Variants in PAN3 observed in about 807,000 individuals in gnomAD.
The protein encoded by PAN3 is poly(A) specific ribonuclease subunit PAN3.
In PAN3, 19 loss-of-function variants were observed where a neutral mutation model predicts 96.2. The ratio of observed to expected loss-of-function variants is 0.20; its 90% CI spans 0.14 to 0.29. The LOEUF (loss-of-function observed/expected upper bound fraction) is 0.29, where lower values mean the gene tolerates loss of function less well. Ranked by LOEUF, PAN3 falls within the 10% of genes least tolerant of loss-of-function variation. The probability of loss-of-function intolerance (pLI) is 1.00; values close to 1 mark genes in which losing one functional copy is unlikely to be tolerated. For missense variants in PAN3, 882 were observed against 1,108.1 expected, an observed-to-expected ratio of 0.80 and a Z score of 2.90; for synonymous variants, 433 against 406.6, an observed-to-expected ratio of 1.06 and a Z score of -0.78.
At position 28,292,668 on chromosome 13, in the gene PAN3, G is replaced by C. The variant is rs909825706; in HGVS notation, c.*146G>C. The C allele has an allele frequency of 6.2e-6, 4 of 644,166 alleles. No individual in the cohort carries two copies. The highest frequency in any genetic ancestry group is 7.0e-6 in the Non-Finnish European group (3 of 426,526). The allele number at this position is 644,166 out of a possible 1,614,324, so 39.9% of individuals were successfully genotyped here. A position where few individuals can be genotyped will look rare whatever the true frequency, so the allele number is the denominator to read the frequency against. On this transcript the variant is annotated 3_prime_UTR_variant, in exon 19 of 19. Coordinates refer to ENST00000380958, the MANE Select transcript of PAN3 (RefSeq NM_175854.8). ...TGCTTGCACTTCAGTCAGGTACACT[G>C]TTACTTGAAAGGAAGAATGTTTCAC...
At chr13:28,242,925 T>TA (rs1313350209) in intron 6 of PAN3, among the ~76,000 whole-genome samples, 5 of 152,242 alleles carry the variant, frequency 3.3e-5, no homozygotes, top group African/African-American at 1.2e-4. Flanking sequence ...GGATGCTTTG[T>TA]AGTACTCACT....
intron 6 of PAN3, among the ~76,000 whole-genome samples, chr13:28,227,636 T>A (rs1331133212): frequency 6.6e-6 from 1 of 152,186 alleles, no homozygotes; most frequent in African/African-American, 2.4e-5. Flanking sequence ...TTTAAGTCTT[T>A]CTAATCTAAA....
At chr13:28,259,376 G>A (rs938823855) in intron 7 of PAN3, among the ~76,000 whole-genome samples, 2 of 150,608 alleles carry the variant, frequency 1.3e-5, no homozygotes, top group Non-Finnish European at 3.0e-5. Flanking sequence ...GTTCAATCTT[G>A]GTGCACTGCA....
intron 5 of PAN3, chr13:28,215,561 C>T (rs1880643387): frequency 2.8e-6 from 2 of 721,828 alleles, no homozygotes; most frequent in Non-Finnish European, 4.9e-6. Context: ...ACCATTCAGG[C>T]TAAATCAGTG....
Position 28,266,893 on chromosome 13 carries a change from ATCT to A in PAN3, c.1573+22_1573+24del, listed in dbSNP as rs544526089. On this transcript the variant is annotated intron_variant, in intron 10 of 18. Coordinates refer to ENST00000380958, the MANE Select transcript of PAN3 (RefSeq NM_175854.8). ...GGATACATGGTAAGGAAGATAAGTT[ATCT>A]TCTTTTATAATCGTATCATTGAGGC... The A allele has an allele frequency of 2.8e-4, 437 of 1,539,514 alleles. No homozygotes were observed. In the African/African-American group the frequency reaches 4.6e-3, roughly 16 times the overall value.
intron 12 of PAN3, among the ~76,000 whole-genome samples, chr13:28,268,578 A>G (rs1886369208): frequency 6.6e-6 from 1 of 152,160 alleles, no homozygotes; most frequent in Admixed American, 6.6e-5. Flanking sequence ...AGAAAAGTAA[A>G]TCCATTTTGA....
chr13:28,234,746 C>CT (rs1323124048), intron 6 of PAN3, among the ~76,000 whole-genome samples: 3 of 151,930 alleles, frequency 2.0e-5, no homozygotes, highest in South Asian at 4.2e-4. Context: ...ATTTTTCTTT[C>CT]TTTTTTGTTT....
chr13:28,140,187 T>C (rs532059033), intron 1 of PAN3, among the ~76,000 whole-genome samples: 1 of 152,320 alleles, frequency 6.6e-6, no homozygotes, highest in East Asian at 1.9e-4. Context: ...TGGCCTCAAG[T>C]GATCTGTCCT....
chr13:28,166,416 G>A (rs969193787), intron 1 of PAN3, among the ~76,000 whole-genome samples: 2 of 152,244 alleles, frequency 1.3e-5, no homozygotes, highest in Middle Eastern at 3.4e-3. Context: ...TGGGACTGGG[G>A]GTGGGTCCTG....
At chr13:28,251,957 G>A (rs543337287) in intron 6 of PAN3, among the ~76,000 whole-genome samples, 6 of 151,130 alleles carry the variant, frequency 4.0e-5, no homozygotes, top group Admixed American at 3.3e-4. Context: ...GTGTGATCTC[G>A]GCTCACGGCA....
chr13:28,176,849 A>G (rs1463594611), intron 3 of PAN3, among the ~76,000 whole-genome samples: 1 of 149,144 alleles, frequency 6.7e-6, no homozygotes, highest in Non-Finnish European at 1.5e-5. Flanking sequence ...TCTATTATTA[A>G]AAAAAAAAAG....
At chr13:28,147,415 A>T (rs1264832814) in intron 1 of PAN3, among the ~76,000 whole-genome samples, 1 of 151,914 alleles carries the variant, frequency 6.6e-6, no homozygotes, top group Non-Finnish European at 1.5e-5. Context: ...GTTACATCCC[A>T]ATAAAACCCT....
At chr13:28,177,579 A>G (rs1487056249) in intron 3 of PAN3, among the ~76,000 whole-genome samples, 1 of 151,734 alleles carries the variant, frequency 6.6e-6, no homozygotes, top group Non-Finnish European at 1.5e-5. Context: ...TCATAAACAC[A>G]CTCACAATAG....
chr13:28,218,866 C>T (rs903898177), intron 5 of PAN3, among the ~76,000 whole-genome samples: 3 of 152,078 alleles, frequency 2.0e-5, no homozygotes, highest in Admixed American at 2.0e-4. Flanking sequence ...CTTGCGTAAT[C>T]CTGAAGTCCA....
chr13:28,207,413 T>C (rs773834920), intron 5 of PAN3, among the ~76,000 whole-genome samples: 5 of 152,196 alleles, frequency 3.3e-5, no homozygotes, highest in Non-Finnish European at 5.9e-5. Context: ...GATTGTCTGA[T>C]CTTGCCTCTC....
chr13:28,145,941 A>G (rs1241352917), intron 1 of PAN3, among the ~76,000 whole-genome samples: 2 of 149,420 alleles, frequency 1.3e-5, no homozygotes, highest in Non-Finnish European at 1.5e-5. Context: ...TAATTTTTAT[A>G]TTTTTAGTAG....
intron 1 of PAN3, among the ~76,000 whole-genome samples, chr13:28,157,357 A>G (rs1320431047): frequency 6.6e-6 from 1 of 152,200 alleles, no homozygotes; most frequent in African/African-American, 2.4e-5. Context: ...TAGAAGTCCT[A>G]GCCAGAGCAA....
intron 1 of PAN3, 107 bp downstream of exon 1, chr13:28,139,194 T>G: frequency 8.4e-7 from 1 of 1,188,140 alleles, no homozygotes; most frequent in South Asian, 3.9e-5. Context: ...GCTCCCCCCC[T>G]CACCTCCCAA....
intron 4 of PAN3, among the ~76,000 whole-genome samples, chr13:28,195,900 A>G (rs535015435): frequency 2.0e-5 from 3 of 152,332 alleles, no homozygotes; most frequent in South Asian, 2.1e-4. Flanking sequence ...TCTAATTTGC[A>G]TGGAATAATT....
Sources: gnomAD v4.1 joint callset for allele counts (sites outside exome capture counted in the v4.1 genomes callset) on GRCh38, gnomAD v4.1.1 for gene constraint, MANE v1.5 for transcripts, NCBI Gene and HGNC (gene_info 2026-07-23, HGNC 2026-07-21) for gene names.